The following PIAS4 variants were observed in gnomAD, a reference collection of about 807,000 sequenced individuals.
PIAS4 encodes E3 SUMO-protein ligase PIAS4.
PIAS4 carries 7 observed loss-of-function variants against 58.0 expected under a neutral mutation model. The ratio of observed to expected loss-of-function variants is 0.12; its 90% CI spans 0.07 to 0.23. The LOEUF (loss-of-function observed/expected upper bound fraction) is 0.23, where lower values mean the gene tolerates loss of function less well. PIAS4 is among the 10% of genes least tolerant of loss of function. The probability of loss-of-function intolerance (pLI) is 1.00; values close to 1 mark genes in which losing one functional copy is unlikely to be tolerated. For synonymous variants in PIAS4, 364 were observed against 312.4 expected (o/e 1.17, Z -1.74); for missense variants, 550 against 709.5 (o/e 0.78, Z 2.55).
At position 4,038,080 on chromosome 19, in the gene PIAS4, T is replaced by G; in HGVS notation, c.*205T>G. 1.8e-6 allele frequency: 1 copy of G among 544,174 alleles called. No homozygotes were observed. The highest frequency in any genetic ancestry group is 3.1e-6 in the Non-Finnish European group (1 of 322,136). The allele number at this position is 544,174 out of a possible 1,614,324, so 33.7% of individuals were successfully genotyped here. ...AAAAAAGTAAAATGACAAAAAAAGA[T>G]ACAAAAAAGAAAAATGAAACAAAAA... is the stretch of plus-strand genomic sequence containing the variant. On this transcript the variant is annotated 3_prime_UTR_variant, in exon 11 of 11. Transcript: ENST00000262971. The surrounding 1 kb of genome is among the most constrained non-coding windows in gnomAD (Gnocchi z 4.1).
chr19:4,008,236 G>A (rs1006666733), intron 1 of PIAS4, among the ~76,000 whole-genome samples: 6 of 152,068 alleles, frequency 3.9e-5, no homozygotes, highest in African/African-American at 1.4e-4. Context: ...AGGGCTCCCA[G>A]GACTGCTATC....
At position 4,013,149 on chromosome 19, in the gene PIAS4, C is replaced by G. The variant is rs1021533044; in HGVS notation, c.254C>G (p.Thr85Ser). 2.5e-6 allele frequency: 4 copies of G among 1,613,352 alleles called. No homozygotes were observed. The African/African-American group carries it at 5.3e-5, about 22-fold the overall frequency. The change falls in exon 2 of 11, where the codon ACC (threonine) becomes AGC (serine). Residue 85 changes from threonine (T) to serine (S), a missense_variant. By Grantham distance (58) the Thr-to-Ser change is moderately conservative. Transcript: ENST00000262971. This position sits in a 1 kb window ranked among gnomAD's most constrained non-coding sequence, Gnocchi z 5.1. ...CCGCACCGGCCCCTGGACCCCCTGA[C>G]CATGCACTCCACCTACGACCGGGCC... Reference protein sequence around the residue: ...PQPHRPLDPLTMHSTYDRAGA... With the variant: ...PQPHRPLDPLSMHSTYDRAGA...
At chr19:4,022,334 T>TG (rs1194969606) in intron 2 of PIAS4, among the ~76,000 whole-genome samples, 2 of 152,246 alleles carry the variant, frequency 1.3e-5, no homozygotes, top group Non-Finnish European at 2.9e-5. Context: ...TTTTGTTTTT[T>TG]TTGTTGTTGT....
chr19:4,036,843 C>T (rs768516369), intron 9 of PIAS4, among the ~76,000 whole-genome samples: 10 of 151,642 alleles, frequency 6.6e-5, no homozygotes, highest in East Asian at 2.0e-4. Context: ...CACACACACA[C>T]GCCCACACCC....
In PIAS4 at chr19:4,028,669, G is replaced by A. The variant is rs371540467; in HGVS notation, c.673-51G>A. 28 of 1,603,442 alleles carry A rather than the reference G, an allele frequency of 1.7e-5. No individual in the cohort carries two copies. The African/African-American group carries it at 2.8e-4, about 16-fold the overall frequency. ...GCGTGGAGGGAGGGTGGGGGCCGTC[G>A]GATTTCCCAGCCGCTCTTGGCTCGA... On this transcript the variant is annotated intron_variant, in intron 5 of 10. Transcript: ENST00000262971.
chr19:4,038,123 C>G lies in PIAS4; in HGVS notation c.*248C>G, dbSNP rs2040322025. 3 of 474,188 alleles carry G rather than the reference C, an allele frequency of 6.3e-6. No individual in the cohort carries two copies. In the Admixed American group the frequency reaches 1.2e-4, roughly 20 times the overall value. 29.4% of individuals were successfully genotyped at this position (474,188 alleles called of 1,614,324 possible). ...AACAAAAAAGTCAAACTCTTAAAAA[C>G]AAGGCCGGCCACCCACACAGCCGCC... is the stretch of plus-strand genomic sequence containing the variant. On this transcript the variant is annotated 3_prime_UTR_variant, in exon 11 of 11. Coordinates refer to ENST00000262971, the MANE Select transcript of PIAS4 (RefSeq NM_015897.4). This position sits in a 1 kb window ranked among gnomAD's most constrained non-coding sequence, Gnocchi z 4.1.
intron 2 of PIAS4, among the ~76,000 whole-genome samples, chr19:4,019,909 G>T (rs1164809887): frequency 6.6e-6 from 1 of 151,636 alleles, no homozygotes; most frequent in African/African-American, 2.4e-5. Context: ...AGCCCAGGGA[G>T]TCTGGCTTTT....
intron 7 of PIAS4, among the ~76,000 whole-genome samples, chr19:4,030,973 T>G (rs1349718812): frequency 6.6e-6 from 1 of 152,200 alleles, no homozygotes. Flanking sequence ...AGGGCGGTTC[T>G]GGGCCAGCCG....
chr19:4,036,290 A>ACG (rs2040284331), intron 9 of PIAS4, among the ~76,000 whole-genome samples: 1 of 124,632 alleles, frequency 8.0e-6, no homozygotes, highest in South Asian at 2.7e-4. Flanking sequence ...ACACCGTCAC[A>ACG]CACACACACA....
Position 4,037,766 on chromosome 19 carries a change from C to T in PIAS4, c.1424C>T (p.Ser475Phe), listed in dbSNP as rs2040316165. The change falls in exon 11 of 11, where the codon TCC (serine) becomes TTC (phenylalanine). Residue 475 changes from serine to phenylalanine, a missense_variant. Physicochemically the swap from Ser to Phe is radical, Grantham distance 155. Coordinates refer to ENST00000262971, the MANE Select transcript of PIAS4 (RefSeq NM_015897.4). The surrounding 1 kb of genome is among the most constrained non-coding windows in gnomAD (Gnocchi z 5.8). ...GACCTCACGCTGGACAGCTCATCGT[C>T]CTCGGAGGATGAGGAGGAGGAGGAA... ...VVDLTLDSSS[S>F]SEDEEEEEEE... is the part of the protein sequence containing the mutation. The T allele has an allele frequency of 6.2e-7, 1 of 1,607,306 alleles. No individual in the cohort carries two copies. The highest frequency in any genetic ancestry group is 8.5e-7 in the Non-Finnish European group (1 of 1,177,538).
chr19:4,037,334 G>GGGGGGGGGGC lies in PIAS4; in HGVS notation c.1143-40_1143-39insGGGGGGGGGC. 6.6e-7 allele frequency: 1 copy of GGGGGGGGGGC among 1,511,132 alleles called. No individual in the cohort carries two copies. The highest frequency in any genetic ancestry group is 9.0e-7 in the Non-Finnish European group (1 of 1,107,252). 93.6% of individuals were successfully genotyped at this position (1,511,132 alleles called of 1,614,324 possible). Reference sequence around the variant, plus strand: ...AGGGCTGGGGAGTTGGGGGGGTGGGGCACCTCCAGCCCCGGCGTCAGCTGT... The same window carrying GGGGGGGGGGC: ...AGGGCTGGGGAGTTGGGGGGGTGGGGGGGGGGGGGCCACCTCCAGCCCCGGCGTCAGCTGT... On this transcript the variant is annotated intron_variant, in intron 9 of 10. Coordinates refer to ENST00000262971, the MANE Select transcript of PIAS4 (RefSeq NM_015897.4). The surrounding 1 kb of genome is among the most constrained non-coding windows in gnomAD (Gnocchi z 5.8).
Position 4,038,202 on chromosome 19 carries a change from G to T in PIAS4, c.*327G>T, listed in dbSNP as rs966399699. ...GGTAGTGGGCGGGAGGGACCAGGAC[G>T]CCGCCCCGCGCCCTCCCCTCCGGAT... On this transcript the variant is annotated 3_prime_UTR_variant, in exon 11 of 11. Coordinates refer to ENST00000262971, the MANE Select transcript of PIAS4 (RefSeq NM_015897.4). The surrounding 1 kb of genome is among the most constrained non-coding windows in gnomAD (Gnocchi z 4.1). 15 of 287,062 alleles carry T rather than the reference G, an allele frequency of 5.2e-5. No individual in the cohort carries two copies. In the East Asian group the frequency reaches 1.7e-3, roughly 33 times the overall value. 17.8% of individuals were successfully genotyped at this position (287,062 alleles called of 1,614,324 possible).
At chr19:4,034,006 C>T (rs370092208) in intron 9 of PIAS4, among the ~76,000 whole-genome samples, 2 of 151,478 alleles carry the variant, frequency 1.3e-5, no homozygotes, top group South Asian at 2.1e-4. Flanking sequence ...TCTGGCTACG[C>T]CATGCCCTTC....
intron 2 of PIAS4, among the ~76,000 whole-genome samples, chr19:4,019,064 C>G (rs939795517): frequency 2.6e-5 from 4 of 152,114 alleles, no homozygotes; most frequent in African/African-American, 9.7e-5. Flanking sequence ...GGGCAGTCGT[C>G]TGCACCGGGC....
intron 2 of PIAS4, among the ~76,000 whole-genome samples, chr19:4,020,895 C>T (rs2040103262): frequency 6.6e-6 from 1 of 152,238 alleles, no homozygotes; most frequent in South Asian, 2.1e-4. Flanking sequence ...GCCGCTGTGC[C>T]CAGCCTGCAA....
At chr19:4,030,354 TCA>T (rs200484885) in intron 7 of PIAS4, among the ~76,000 whole-genome samples, 6,171 of 142,994 alleles carry the variant, frequency 0.043, 182 homozygotes, top group Middle Eastern at 0.091. Context: ...GCGCAGTGGC[TCA>T]CACCTGTAAT....
chr19:4,009,660 C>T (rs2039974919), intron 1 of PIAS4, among the ~76,000 whole-genome samples: 1 of 152,096 alleles, frequency 6.6e-6, no homozygotes. Flanking sequence ...GGGGAACCTT[C>T]TTTCTCCTTG....
chr19:4,028,226 C>T (rs2040186813), intron 4 of PIAS4, 39 bp downstream of exon 4: 3 of 1,581,576 alleles, frequency 1.9e-6, no homozygotes, highest in South Asian at 1.1e-5. Flanking sequence ...GGCTGGACCC[C>T]CAGCCACCCG....
At chr19:4,016,735 G>T (rs2040056610) in intron 2 of PIAS4, among the ~76,000 whole-genome samples, 1 of 152,204 alleles carries the variant, frequency 6.6e-6, no homozygotes, top group African/African-American at 2.4e-5. Context: ...GCGTATTCCA[G>T]GCAGAGGGCA....
Sources: allele counts gnomAD v4.1 joint callset (sites outside exome capture counted in the v4.1 genomes callset), GRCh38; gene constraint gnomAD v4.1.1; non-coding constraint Gnocchi (gnomAD v3.1); transcripts MANE v1.5; gene names NCBI Gene and HGNC (gene_info 2026-07-23, HGNC 2026-07-21).